Variants in HS6ST3 observed in about 807,000 individuals in gnomAD.
HS6ST3 encodes heparan-sulfate 6-O-sulfotransferase 3.
Under a neutral mutation model 36.7 loss-of-function variants are expected in HS6ST3, and 12 were observed. That is an observed-to-expected ratio of 0.33 (90% CI 0.21 to 0.53). HS6ST3 has a LOEUF of 0.53. Ranked by LOEUF, HS6ST3 falls within the 20% of genes least tolerant of loss-of-function variation. The pLI, the probability that HS6ST3 is intolerant of heterozygous loss-of-function variation, is 0.95. For synonymous variants in HS6ST3, 240 were observed against 257.5 expected, an observed-to-expected ratio of 0.93 and a Z score of 0.65; for missense variants, 584 against 640.9, an observed-to-expected ratio of 0.91 and a Z score of 0.96.
rs568339607 is a variant in HS6ST3, at chr13:96,297,700, A to G, written c.707+206131A>G. On this transcript the variant is annotated intron_variant, in intron 1 of 1. Coordinates refer to ENST00000376705, the MANE Select transcript of HS6ST3 (RefSeq NM_153456.4). Reference sequence around the variant, plus strand: ...TTTGTAATCATTTTTGAGCTTCCAGACAAAAGATGTGTCCCAGATGAAGGC... The same window carrying G: ...TTTGTAATCATTTTTGAGCTTCCAGGCAAAAGATGTGTCCCAGATGAAGGC... Among the ~76,000 whole-genome samples the G allele has an allele frequency of 6.6e-5, 10 of 152,278 alleles. No homozygotes were observed. In the South Asian group the frequency reaches 2.1e-3, roughly 32 times the overall value.
chr13:96,160,525 A>G (rs7330875), intron 1 of HS6ST3, among the ~76,000 whole-genome samples: 32,373 of 152,108 alleles, frequency 0.21, 3,845 homozygotes, highest in South Asian at 0.3. Context: ...GCTATATACT[A>G]TGTAGGAGTG....
chr13:96,098,343 TG>T (rs2053801522), intron 1 of HS6ST3, among the ~76,000 whole-genome samples: 1 of 152,216 alleles, frequency 6.6e-6, no homozygotes, highest in Admixed American at 6.5e-5. Flanking sequence ...AGATTACTAC[TG>T]GTCAAGGCTA....
At chr13:96,580,193 CATATATATAT>C (rs3051282) in intron 1 of HS6ST3, among the ~76,000 whole-genome samples, 21,034 of 140,328 alleles carry the variant, frequency 0.15, 1,939 homozygotes, top group African/African-American at 0.25. Context: ...CCCATCCAGA[CATATATATAT>C]ATATATATAT....
At chr13:96,561,555 GA>G (rs769310066) in intron 1 of HS6ST3, among the ~76,000 whole-genome samples, 1 of 152,100 alleles carries the variant, frequency 6.6e-6, no homozygotes, top group Non-Finnish European at 1.5e-5. Context: ...GTAAATTAAA[GA>G]GCTTCTGCAC....
At chr13:96,633,155 G>C (rs144090428) in intron 1 of HS6ST3, among the ~76,000 whole-genome samples, 1 of 152,126 alleles carries the variant, frequency 6.6e-6, no homozygotes, top group Non-Finnish European at 1.5e-5. Flanking sequence ...AAATCGGCCC[G>C]GGTGTGCACG....
At chr13:96,789,033 AG>A (rs1313679173) in intron 1 of HS6ST3, among the ~76,000 whole-genome samples, 2 of 151,646 alleles carry the variant, frequency 1.3e-5, no homozygotes, top group African/African-American at 4.8e-5. Context: ...GCTTGGTTTT[AG>A]GCCTACCATT....
chr13:96,430,723 G>A (rs1001164837), intron 1 of HS6ST3, among the ~76,000 whole-genome samples: 13 of 152,132 alleles, frequency 8.5e-5, no homozygotes, highest in African/African-American at 2.7e-4. Flanking sequence ...CACTAGTGCC[G>A]GTTTCCTCAA....
At chr13:96,764,644 G>C in intron 1 of HS6ST3, among the ~76,000 whole-genome samples, 1 of 152,142 alleles carries the variant, frequency 6.6e-6, no homozygotes, top group Non-Finnish European at 1.5e-5. Flanking sequence ...TGATTGTGCG[G>C]AGGAAACCTT....
chr13:96,272,711 C>A (rs967463658), intron 1 of HS6ST3, among the ~76,000 whole-genome samples: 1 of 151,892 alleles, frequency 6.6e-6, no homozygotes, highest in Non-Finnish European at 1.5e-5. Context: ...AGACTATAAG[C>A]TATACAGTTA....
chr13:96,693,695 C>G (rs1013495888), intron 1 of HS6ST3, among the ~76,000 whole-genome samples: 1 of 152,140 alleles, frequency 6.6e-6, no homozygotes, highest in African/African-American at 2.4e-5. Flanking sequence ...TGACTGTAAG[C>G]AGAACCTAGG....
chr13:96,092,744 A>G (rs1165196758), intron 1 of HS6ST3, among the ~76,000 whole-genome samples: 7 of 152,214 alleles, frequency 4.6e-5, no homozygotes, highest in Non-Finnish European at 8.8e-5. Context: ...ACCACCACTG[A>G]AGCATCTAAT....
intron 1 of HS6ST3, among the ~76,000 whole-genome samples, chr13:96,140,427 G>A (rs1199606888): frequency 1.3e-5 from 2 of 152,004 alleles, no homozygotes; most frequent in Non-Finnish European, 2.9e-5. Context: ...GATCTCTCTC[G>A]GTTCTGGTAT....
intron 1 of HS6ST3, among the ~76,000 whole-genome samples, chr13:96,745,797 C>T (rs893217703): frequency 6.6e-6 from 1 of 152,038 alleles, no homozygotes; most frequent in African/African-American, 2.4e-5. Flanking sequence ...TCCAACATTA[C>T]TCTTATAGCC....
chr13:96,455,640 A>G (rs2055751240), intron 1 of HS6ST3, among the ~76,000 whole-genome samples: 1 of 152,218 alleles, frequency 6.6e-6, no homozygotes, highest in Non-Finnish European at 1.5e-5. Context: ...ATTAAAGGCA[A>G]TTAGGCAAAA....
intron 1 of HS6ST3, among the ~76,000 whole-genome samples, chr13:96,738,176 A>G (rs1876333986): frequency 6.6e-6 from 1 of 152,206 alleles, no homozygotes; most frequent in African/African-American, 2.4e-5. Context: ...ATCACACCCT[A>G]TGTTCACCAA....
chr13:96,774,994 C>T (rs1222997569), intron 1 of HS6ST3, among the ~76,000 whole-genome samples: 1 of 152,148 alleles, frequency 6.6e-6, no homozygotes. Flanking sequence ...TCTGCAGAAA[C>T]CCTACATGCC....
At chr13:96,539,121 A>G (rs1445067395) in intron 1 of HS6ST3, among the ~76,000 whole-genome samples, 1 of 152,192 alleles carries the variant, frequency 6.6e-6, no homozygotes, top group Non-Finnish European at 1.5e-5. Context: ...AAAAGTGGCC[A>G]ACAGAATAGG....
chr13:96,117,331 C>G (rs1241268986), intron 1 of HS6ST3, among the ~76,000 whole-genome samples: 1 of 151,950 alleles, frequency 6.6e-6, no homozygotes, highest in African/African-American at 2.4e-5. Context: ...CAAAATAAAG[C>G]AGAAGAATAA....
chr13:96,110,459 C>T (rs1268071936), intron 1 of HS6ST3, among the ~76,000 whole-genome samples: 310 of 144,062 alleles, frequency 2.2e-3, no homozygotes, highest in African/African-American at 7.2e-3. Flanking sequence ...TTTTTTGAGA[C>T]GGTGTCTCAC....
Sources: allele counts gnomAD v4.1 joint callset (sites outside exome capture counted in the v4.1 genomes callset), GRCh38; gene constraint gnomAD v4.1.1; transcripts MANE v1.5; gene names NCBI Gene and HGNC (gene_info 2026-07-23, HGNC 2026-07-21).